Variants in ULK4 observed in about 807,000 individuals in gnomAD.
ULK4 encodes the protein inactive serine/threonine-protein kinase ULK4.
In ULK4, 133 loss-of-function variants were observed where a neutral mutation model predicts 160.6. The ratio of observed to expected loss-of-function variants is 0.83; its 90% confidence interval spans 0.72 to 0.96. The LOEUF is 0.96. ULK4 is among the 40% of genes least tolerant of loss of function. The pLI, the probability that ULK4 is intolerant of heterozygous loss-of-function variation, is 0.00. For missense variants in ULK4, 1,580 were observed against 1,499.5 expected (o/e 1.05, Z -0.89); for synonymous variants, 534 against 539.8 (o/e 0.99, Z 0.15).
chr3:41,782,373 TG>T (rs2039873855), intron 21 of ULK4, among the ~76,000 whole-genome samples: 1 of 152,168 alleles, frequency 6.6e-6, no homozygotes, highest in Non-Finnish European at 1.5e-5. Context: ...AGCATTATTT[TG>T]TAAGTGGCAT....
At chr3:41,624,803 C>T (rs1342480702) in intron 30 of ULK4, among the ~76,000 whole-genome samples, 1 of 152,112 alleles carries the variant, frequency 6.6e-6, no homozygotes, top group Non-Finnish European at 1.5e-5. Flanking sequence ...CCATTGTGTA[C>T]ATATGCTGCG....
At chr3:41,572,808 T>C (rs1383688925) in intron 31 of ULK4, among the ~76,000 whole-genome samples, 1 of 149,770 alleles carries the variant, frequency 6.7e-6, no homozygotes, top group Admixed American at 6.7e-5. Flanking sequence ...AAGCATGATA[T>C]GGGTATTAGA....
intron 27 of ULK4, among the ~76,000 whole-genome samples, chr3:41,684,715 C>T (rs1461634952): frequency 6.6e-6 from 1 of 152,170 alleles, no homozygotes; most frequent in Non-Finnish European, 1.5e-5. Flanking sequence ...TCCTCTACCC[C>T]CTCTCTAGAA....
intron 21 of ULK4, among the ~76,000 whole-genome samples, chr3:41,758,302 C>A (rs2038872803): frequency 6.6e-6 from 1 of 152,036 alleles, no homozygotes; most frequent in Admixed American, 6.6e-5. Flanking sequence ...ACTAAGATAC[C>A]ACTCAACCAA....
At chr3:41,717,929 C>T (rs1439883694) in intron 22 of ULK4, 68 bp from the exon 23 acceptor site, 10 of 1,535,326 alleles carry the variant, frequency 6.5e-6, no homozygotes, top group Non-Finnish European at 8.9e-6. Flanking sequence ...TCCAAAAATG[C>T]CGCCAAGGCA....
chr3:41,432,103 T>C (rs934539428), intron 34 of ULK4, among the ~76,000 whole-genome samples: 3 of 152,170 alleles, frequency 2.0e-5, no homozygotes, highest in African/African-American at 7.2e-5. Flanking sequence ...AGCTCCATGC[T>C]ATTACGTGAT....
intron 27 of ULK4, among the ~76,000 whole-genome samples, chr3:41,685,660 C>T (rs73828223): frequency 0.053 from 8,117 of 152,266 alleles, 708 homozygotes; most frequent in African/African-American, 0.19. Flanking sequence ...TGCTGACCTG[C>T]ATACCTACCC....
chr3:41,862,749 C>A (rs1428672615), intron 17 of ULK4, among the ~76,000 whole-genome samples: 2 of 151,736 alleles, frequency 1.3e-5, no homozygotes, highest in African/African-American at 4.8e-5. Flanking sequence ...CCCGAACATA[C>A]AGAGTCAGTC....
intron 21 of ULK4, among the ~76,000 whole-genome samples, chr3:41,761,295 T>C (rs2038975301): frequency 1.4e-5 from 2 of 145,796 alleles, no homozygotes. Flanking sequence ...GTATATATAA[T>C]ATACACATAA....
At chr3:41,812,773 T>C (rs2040854757) in intron 19 of ULK4, among the ~76,000 whole-genome samples, 1 of 152,242 alleles carries the variant, frequency 6.6e-6, no homozygotes, top group African/African-American at 2.4e-5. Flanking sequence ...TTAGCAAAGA[T>C]AAATTTTCTC....
chr3:41,876,626 C>A (rs899931756), intron 17 of ULK4, among the ~76,000 whole-genome samples: 1 of 152,084 alleles, frequency 6.6e-6, no homozygotes, highest in Non-Finnish European at 1.5e-5. Flanking sequence ...CTTTTAATAG[C>A]CAAATACAGA....
chr3:41,390,839 T>G lies in ULK4; in HGVS notation c.3678+7240A>C, dbSNP rs530123605. On this transcript the variant is annotated intron_variant, in intron 35 of 36. Coordinates refer to ENST00000301831, the MANE Select transcript of ULK4 (RefSeq NM_017886.4). Reference sequence around the variant, plus strand: ...GGTGTGGTGCTGAGAAGAATGTATATTCTGTTGATTTGGGGTGGAGAGCTC... The same window carrying G: ...GGTGTGGTGCTGAGAAGAATGTATAGTCTGTTGATTTGGGGTGGAGAGCTC... Among the ~76,000 whole-genome samples, 68 of 152,310 alleles carry G rather than the reference T, an allele frequency of 4.5e-4. 1 individual carries two copies. Among genetic ancestry groups the G allele is most frequent in the African/African-American group, 1.4e-3 (59 of 41,596 alleles).
At chr3:41,641,236 G>A (rs531122140) in intron 30 of ULK4, among the ~76,000 whole-genome samples, 6 of 152,196 alleles carry the variant, frequency 3.9e-5, no homozygotes, top group South Asian at 4.1e-4. Flanking sequence ...GATGGAACAC[G>A]CACTTTCTAG....
intron 30 of ULK4, among the ~76,000 whole-genome samples, chr3:41,617,591 C>A (rs1389945425): frequency 2.7e-5 from 4 of 150,602 alleles, no homozygotes; most frequent in Admixed American, 6.6e-5. Context: ...ACATAAAAAA[C>A]CCCCACACAA....
Position 41,247,262 on chromosome 3 carries a change from G to A in ULK4, c.3765-270C>T, listed in dbSNP as rs181507310. ...CTGCCAGAAACACTGCCAGTGAGTG[G>A]TAGGCAGCCAGACTCTACCAGGCCT... On this transcript the variant is annotated intron_variant, in intron 36 of 36. Transcript: ENST00000301831. Among the ~76,000 whole-genome samples the A allele has an allele frequency of 7.2e-5, 11 of 152,254 alleles. No homozygotes were observed. The East Asian group carries it at 2.1e-3, about 30-fold the overall frequency.
chr3:41,958,547 C>T (rs1028648205), intron 1 of ULK4, among the ~76,000 whole-genome samples: 8 of 124,050 alleles, frequency 6.4e-5, no homozygotes, highest in South Asian at 5.3e-4. Flanking sequence ...ACTAAAAATA[C>T]AAAAAAAAAA....
At chr3:41,844,114 AT>A (rs2042005563) in intron 17 of ULK4, among the ~76,000 whole-genome samples, 1 of 152,152 alleles carries the variant, frequency 6.6e-6, no homozygotes, top group Non-Finnish European at 1.5e-5. Flanking sequence ...CACCCAGTGG[AT>A]CCCCCACCGG....
chr3:41,525,760 C>T (rs572830616), intron 32 of ULK4, among the ~76,000 whole-genome samples: 3 of 152,318 alleles, frequency 2.0e-5, no homozygotes, highest in South Asian at 2.1e-4. Context: ...TGGAACATTG[C>T]TTTTCTATTT....
intron 17 of ULK4, among the ~76,000 whole-genome samples, chr3:41,855,803 T>C (rs2042322541): frequency 1.3e-5 from 2 of 152,140 alleles, no homozygotes; most frequent in African/African-American, 2.4e-5. Flanking sequence ...TTTCATCTAG[T>C]AGAAAATTAA....
Sources: allele counts gnomAD v4.1 joint callset (sites outside exome capture counted in the v4.1 genomes callset), GRCh38; gene constraint gnomAD v4.1.1; transcripts MANE v1.5; gene names NCBI Gene and HGNC (gene_info 2026-07-23, HGNC 2026-07-21).